PIP: variants seen among roughly 807,000 people sequenced by gnomAD.
PIP encodes prolactin-inducible protein.
A neutral mutation model predicts 12.8 loss-of-function variants in PIP; 9 were observed. The observed-to-expected ratio is 0.70, with a 90% CI of 0.42 to 1.23. PIP has a LOEUF of 1.23. Among genes scored for constraint, PIP ranks in the 50% most tolerant of loss-of-function variants. PIP has a pLI of 0.00. For missense variants in PIP, 172 were observed against 179.5 expected (o/e 0.96, Z 0.24); for synonymous variants, 60 against 66.1 (o/e 0.91, Z 0.45).
chr7:143,136,262 A>G (rs10253686), intron 2 of PIP, among the ~76,000 whole-genome samples: 13,337 of 151,120 alleles, frequency 0.088, 909 homozygotes, highest in African/African-American at 0.18. Flanking sequence ...CATCTCCCCT[A>G]CTCCCTCCCC....
intron 1 of PIP, 108 bp from the exon 2 acceptor site, chr7:143,135,086 A>G: frequency 1.8e-6 from 1 of 564,406 alleles, no homozygotes; most frequent in South Asian, 2.4e-5. Flanking sequence ...AAGCCCCATA[A>G]TTTCCCTCCC....
At chr7:143,135,934 G>A (rs1022746346) in intron 2 of PIP, among the ~76,000 whole-genome samples, 7 of 151,954 alleles carry the variant, frequency 4.6e-5, no homozygotes, top group African/African-American at 1.7e-4. Flanking sequence ...ACTCACTCGG[G>A]GATCTTGTTA....
At chr7:143,133,818 A>ATTATT (rs1041529867) in intron 1 of PIP, among the ~76,000 whole-genome samples, 5 of 151,744 alleles carry the variant, frequency 3.3e-5, no homozygotes, top group African/African-American at 7.3e-5. Context: ...AAAATTTTTT[A>ATTATT]TTATTTTATT....
chr7:143,133,654 T>C (rs1200241014), intron 1 of PIP, among the ~76,000 whole-genome samples: 1 of 152,008 alleles, frequency 6.6e-6, no homozygotes, highest in Non-Finnish European at 1.5e-5. Context: ...TGTAGAGTAG[T>C]ATCTAAAGTT....
chr7:143,139,454 G>C, intron 3 of PIP, 64 bp from the exon 4 acceptor site: 1 of 1,586,782 alleles, frequency 6.3e-7, no homozygotes, highest in Non-Finnish European at 8.6e-7. Context: ...TGCCTGATAT[G>C]AGTAGAAAAG....
chr7:143,135,492 C>T (rs924707290), intron 2 of PIP, among the ~76,000 whole-genome samples, 193 bp downstream of exon 2: 4 of 151,440 alleles, frequency 2.6e-5, no homozygotes, highest in African/African-American at 9.7e-5. Context: ...TGAAGAAGTT[C>T]GAATCCAGAG....
At position 143,139,672 on chromosome 7, in the gene PIP, G is replaced by A; in HGVS notation, c.*30G>A. ...AGCCCTGTCTGTTTGCCACACCCAG[G>A]TGATTTCCTCTAAAGAAACTTGGCT... On this transcript the variant is annotated 3_prime_UTR_variant, in exon 4 of 4. Coordinates refer to ENST00000291009, the MANE Select transcript of PIP (RefSeq NM_002652.3). The A allele has an allele frequency of 1.3e-6, 2 of 1,587,568 alleles. No individual in the cohort carries two copies. Among genetic ancestry groups the A allele is most frequent in the African/African-American group, 1.3e-5 (1 of 74,448 alleles).
chr7:143,133,108 C>T (rs1799261577), intron 1 of PIP, among the ~76,000 whole-genome samples: 1 of 151,928 alleles, frequency 6.6e-6, no homozygotes, highest in African/African-American at 2.4e-5. Flanking sequence ...GTCCACTTAG[C>T]CCTGAAGGGC....
At chr7:143,134,385 G>C (rs1209271639) in intron 1 of PIP, among the ~76,000 whole-genome samples, 3 of 150,976 alleles carry the variant, frequency 2.0e-5, no homozygotes, top group Admixed American at 2.0e-4. Context: ...CCAGTAGTGG[G>C]ATTGCTGGAT....
chr7:143,136,621 T>G (rs1799313001), intron 2 of PIP, among the ~76,000 whole-genome samples: 1 of 152,096 alleles, frequency 6.6e-6, no homozygotes. Flanking sequence ...AATAAGAACA[T>G]GTACATAATG....
At chr7:143,134,737 T>C (rs1799287592) in intron 1 of PIP, among the ~76,000 whole-genome samples, 1 of 151,990 alleles carries the variant, frequency 6.6e-6, no homozygotes, top group African/African-American at 2.4e-5. Context: ...TGTGGTATTG[T>C]ACATTTTTTC....
In PIP at chr7:143,135,255, A is replaced by G. The variant is rs1799297091; in HGVS notation, c.157A>G (p.Thr53Ala). ...PKSVRPNDEV[T>A]AVLAVQTELK... ...GTCAGTACGTCCAAATGACGAAGTC[A>G]CTGCAGTGCTTGCAGTTCAAACAGA... Residue 53 changes from threonine (T) to alanine (A), a missense_variant, in exon 2 of 4, where the codon ACT (threonine) becomes GCT (alanine). By Grantham distance (58) the Thr-to-Ala change is moderately conservative. Transcript: ENST00000291009. The G allele has an allele frequency of 1.2e-6, 2 of 1,602,738 alleles. No individual in the cohort carries two copies. The highest frequency in any genetic ancestry group is 1.7e-6 in the Non-Finnish European group (2 of 1,169,620).
At chr7:143,137,936 A>G (rs1327368051) in intron 2 of PIP, among the ~76,000 whole-genome samples, 2 of 151,480 alleles carry the variant, frequency 1.3e-5, no homozygotes, top group Non-Finnish European at 2.9e-5. Flanking sequence ...AGGCACAGGT[A>G]GTCTTCTCCA....
rs1799349968 is a variant in PIP, at chr7:143,139,724, A to C, written c.*82A>C. The C allele has an allele frequency of 7.3e-7, 1 of 1,368,994 alleles. No individual in the cohort carries two copies. The highest frequency in any genetic ancestry group is 1.0e-6 in the Non-Finnish European group (1 of 978,082). The allele number at this position is 1,368,994 out of a possible 1,614,324, so 84.8% of individuals were successfully genotyped here. ...GAATTTCTGCTGTGGTCTATAAAAT[A>C]AACTTCTTAACATGCTTCTCCATGT... On this transcript the variant is annotated 3_prime_UTR_variant, in exon 4 of 4. Transcript: ENST00000291009.
At chr7:143,137,230 G>A (rs1799318482) in intron 2 of PIP, among the ~76,000 whole-genome samples, 1 of 152,044 alleles carries the variant, frequency 6.6e-6, no homozygotes, top group African/African-American at 2.4e-5. Flanking sequence ...GTTTCATGAA[G>A]TTTATGAAAC....
At position 143,132,199 on chromosome 7, in the gene PIP, C is replaced by T; in HGVS notation, c.83C>T (p.Ala28Val). 1 of 1,613,620 alleles carries T rather than the reference C, an allele frequency of 6.2e-7. No homozygotes were observed. Among genetic ancestry groups the T allele is most frequent in the South Asian group, 1.1e-5 (1 of 91,082 alleles). ...TGCCTGCAGTTGGGGGCCAACAAAG[C>T]TCAGGACAACACGTGAGCCATGCCC... is the stretch of plus-strand genomic sequence containing the variant. ...VLCLQLGANK[A>V]QDNTRKIIIK... The change falls in exon 1 of 4, where the codon GCT becomes GTT. Residue 28 changes from alanine to valine, a missense_variant. By Grantham distance (64) the Ala-to-Val change is moderately conservative. Transcript: ENST00000291009.
At position 143,132,201 on chromosome 7, in the gene PIP, C is replaced by A. The variant is rs1327745655; in HGVS notation, c.85C>A (p.Gln29Lys). Reference protein sequence around the residue: ...LCLQLGANKAQDNTRKIIIKN... With the variant: ...LCLQLGANKAKDNTRKIIIKN... ...CCTGCAGTTGGGGGCCAACAAAGCTCAGGACAACACGTGAGCCATGCCCTT... is the reference window on the plus strand; with the variant it reads ...CCTGCAGTTGGGGGCCAACAAAGCTAAGGACAACACGTGAGCCATGCCCTT... Residue 29 changes from glutamine to lysine, a missense_variant, in exon 1 of 4, where the codon CAG (glutamine) becomes AAG (lysine). Physicochemically the swap from Gln to Lys is moderately conservative, Grantham distance 53 (BLOSUM62 1). Transcript: ENST00000291009. The A allele has an allele frequency of 6.2e-7, 1 of 1,613,496 alleles. No homozygotes were observed. The highest frequency in any genetic ancestry group is 1.3e-5 in the African/African-American group (1 of 74,900).
intron 1 of PIP, among the ~76,000 whole-genome samples, chr7:143,134,183 CATATATATATATATATATATATATAT>C (rs60656573): frequency 0.01 from 425 of 41,674 alleles, 14 homozygotes; most frequent in Admixed American, 0.018. Context: ...AGTATTCCAT[CATATATATATATATATATATATATAT>C]ATATATATAT....
At chr7:143,135,530 A>G (rs190466387) in intron 2 of PIP, among the ~76,000 whole-genome samples, 1 of 152,218 alleles carries the variant, frequency 6.6e-6, no homozygotes, top group Admixed American at 6.5e-5. Context: ...GAAGGAAAGG[A>G]AGAAGGAATA....
Sources: allele counts gnomAD v4.1 joint callset (sites outside exome capture counted in the v4.1 genomes callset), GRCh38; gene constraint gnomAD v4.1.1; transcripts MANE v1.5; gene names NCBI Gene and HGNC (gene_info 2026-07-23, HGNC 2026-07-21).